ERBB4: variants seen among roughly 807,000 people sequenced by gnomAD.
ERBB4 encodes the protein erb-b2 receptor tyrosine kinase 4.
A neutral mutation model predicts 158.0 loss-of-function variants in ERBB4; 42 were observed. The ratio of observed to expected loss-of-function variants is 0.27; its 90% CI spans 0.21 to 0.34. The LOEUF is 0.34. Among genes scored for constraint, ERBB4 ranks in the 10% least tolerant of loss-of-function variants. The pLI is 1.00. For missense variants in ERBB4, 1,333 were observed against 1,624.1 expected, an observed-to-expected ratio of 0.82 and a Z score of 3.08; for synonymous variants, 583 against 558.7, an observed-to-expected ratio of 1.04 and a Z score of -0.61.
intron 1 of ERBB4, among the ~76,000 whole-genome samples, chr2:212,202,261 T>C (rs373380913): frequency 1.3e-5 from 2 of 152,216 alleles, no homozygotes; most frequent in East Asian, 1.9e-4. Flanking sequence ...CATTTCTATG[T>C]TCATTTATTC....
chr2:211,895,827 A>G (rs1404421937), intron 3 of ERBB4, among the ~76,000 whole-genome samples: 1 of 152,056 alleles, frequency 6.6e-6, no homozygotes, highest in East Asian at 1.9e-4. Context: ...AGCTCTTGTT[A>G]GGGTCACAAA....
intron 1 of ERBB4, among the ~76,000 whole-genome samples, chr2:212,527,690 T>TTTTATTTATTTATTTATTTA (rs143126554): frequency 2.9e-4 from 44 of 149,722 alleles, no homozygotes; most frequent in Non-Finnish European, 4.0e-4. Flanking sequence ...TCCCCAAATC[T>TTTTATTTATTTATTTATTTA]TTTATTTATT....
intron 18 of ERBB4, among the ~76,000 whole-genome samples, chr2:211,623,439 G>A (rs927855340): frequency 7.9e-5 from 12 of 152,042 alleles, no homozygotes; most frequent in African/African-American, 2.9e-4. Context: ...AACCTATTAA[G>A]ACATCAGCAT....
chr2:212,534,314 T>A (rs1692920993), intron 1 of ERBB4, among the ~76,000 whole-genome samples: 1 of 152,186 alleles, frequency 6.6e-6, no homozygotes, highest in African/African-American at 2.4e-5. Flanking sequence ...AGAGCACAAT[T>A]CATTGCCTCA....
intron 1 of ERBB4, among the ~76,000 whole-genome samples, chr2:212,252,508 G>A (rs1300690672): frequency 2.0e-5 from 3 of 152,046 alleles, no homozygotes; most frequent in African/African-American, 7.2e-5. Context: ...TAGTAAAATG[G>A]TAAGGTCCAC....
chr2:211,524,170 C>A (rs1385701217), intron 20 of ERBB4, among the ~76,000 whole-genome samples: 1 of 152,052 alleles, frequency 6.6e-6, no homozygotes, highest in Non-Finnish European at 1.5e-5. Flanking sequence ...AAGGCCCCAC[C>A]ACAGTAGCTA....
chr2:211,931,028 A>G (rs2080160575), intron 3 of ERBB4, among the ~76,000 whole-genome samples: 1 of 152,136 alleles, frequency 6.6e-6, no homozygotes, highest in Non-Finnish European at 1.5e-5. Flanking sequence ...CTAAGAAATT[A>G]AGAAATGAAC....
intron 20 of ERBB4, among the ~76,000 whole-genome samples, chr2:211,475,900 T>C (rs896356727): frequency 6.6e-6 from 1 of 152,128 alleles, no homozygotes; most frequent in Admixed American, 6.6e-5. Context: ...TGTCAGATTA[T>C]GTAATAGAGT....
intron 6 of ERBB4, among the ~76,000 whole-genome samples, chr2:211,724,762 A>G (rs1228536290): frequency 6.6e-6 from 1 of 152,202 alleles, no homozygotes; most frequent in East Asian, 1.9e-4. Context: ...TGATGCAACC[A>G]CATAAACAGG....
chr2:212,263,876 T>C (rs1347523176), intron 1 of ERBB4, among the ~76,000 whole-genome samples: 1 of 151,836 alleles, frequency 6.6e-6, no homozygotes, highest in Non-Finnish European at 1.5e-5. Flanking sequence ...CTAATAATAA[T>C]AATATTAAAT....
chr2:212,361,905 ACT>A (rs1175234751), intron 1 of ERBB4, among the ~76,000 whole-genome samples: 2 of 151,664 alleles, frequency 1.3e-5, no homozygotes, highest in East Asian at 3.9e-4. Context: ...AAGGTTTCTA[ACT>A]CATATGACAT....
chr2:211,494,373 CAAGT>C (rs1206770717), intron 20 of ERBB4, among the ~76,000 whole-genome samples: 12 of 151,698 alleles, frequency 7.9e-5, no homozygotes, highest in African/African-American at 2.9e-4. Flanking sequence ...AGCTCTGAAA[CAAGT>C]AAGAGTGAAG....
chr2:212,250,486 T>C (rs1038478534), intron 1 of ERBB4, among the ~76,000 whole-genome samples: 1 of 151,984 alleles, frequency 6.6e-6, no homozygotes, highest in Non-Finnish European at 1.5e-5. Flanking sequence ...TCCTCATTTA[T>C]ACTCTGTTCT....
At chr2:212,330,708 C>G (rs1403894295) in intron 1 of ERBB4, among the ~76,000 whole-genome samples, 1 of 151,932 alleles carries the variant, frequency 6.6e-6, no homozygotes, top group Non-Finnish European at 1.5e-5. Flanking sequence ...TCCCCATTCA[C>G]CAGCTGCTCT....
Position 211,561,889 on chromosome 2 carries a change from T to TGACA in ERBB4, c.2487+10_2487+13dup. ...CTAAAAATGTAATTTCCATAGAAAT[T>TGACA]GACAGGCACTTACCTTAGCTATCTG... On this transcript the variant is annotated intron_variant, in intron 20 of 27. Coordinates refer to ENST00000342788, the MANE Select transcript of ERBB4 (RefSeq NM_005235.3). 6.2e-7 allele frequency: 1 copy of TGACA among 1,610,898 alleles called. No individual in the cohort carries two copies. The highest frequency in any genetic ancestry group is 8.5e-7 in the Non-Finnish European group (1 of 1,177,492).
chr2:212,521,937 T>C (rs111420153), intron 1 of ERBB4, among the ~76,000 whole-genome samples: 3 of 151,944 alleles, frequency 2.0e-5, no homozygotes, highest in Admixed American at 6.6e-5. Context: ...GTGGCACCTA[T>C]TGTTAATATA....
intron 20 of ERBB4, among the ~76,000 whole-genome samples, chr2:211,500,834 T>C (rs2065597368): frequency 1.3e-5 from 2 of 152,094 alleles, no homozygotes; most frequent in Admixed American, 1.3e-4. Context: ...GTCATTCTAA[T>C]TATTCTATTT....
At chr2:211,469,719 C>A (rs1019175699) in intron 20 of ERBB4, among the ~76,000 whole-genome samples, 2 of 152,124 alleles carry the variant, frequency 1.3e-5, no homozygotes, top group African/African-American at 4.8e-5. Flanking sequence ...ATAACTAAAT[C>A]GCATCTTAGT....
At chr2:212,400,183 T>C (rs2091161018) in intron 1 of ERBB4, among the ~76,000 whole-genome samples, 1 of 152,102 alleles carries the variant, frequency 6.6e-6, no homozygotes, top group Non-Finnish European at 1.5e-5. Context: ...TAGGAAACCT[T>C]TGAAAGATTG....
Sources: gnomAD v4.1 joint callset for allele counts (sites outside exome capture counted in the v4.1 genomes callset) on GRCh38, gnomAD v4.1.1 for gene constraint, MANE v1.5 for transcripts, NCBI Gene and HGNC (gene_info 2026-07-23, HGNC 2026-07-21) for gene names.